The following TAFA5 variants were observed in gnomAD, a reference collection of about 807,000 sequenced individuals.
TAFA5 encodes TAFA chemokine like family member 5, also known as chemokine-like protein TAFA-5.
A neutral mutation model predicts 15.3 loss-of-function variants in TAFA5; 6 were observed. The ratio of observed to expected loss-of-function variants is 0.39; its 90% CI spans 0.21 to 0.77. The LOEUF is 0.77. Ranked by LOEUF, TAFA5 falls within the 30% of genes least tolerant of loss-of-function variation. TAFA5 has a pLI of 0.41. For synonymous variants in TAFA5, 103 were observed against 80.7 expected, an observed-to-expected ratio of 1.28 and a Z score of -1.48; for missense variants, 161 against 193.1, an observed-to-expected ratio of 0.83 and a Z score of 0.98.
intron 1 of TAFA5, among the ~76,000 whole-genome samples, chr22:48,614,633 C>T (rs1211264037): frequency 6.6e-6 from 1 of 152,208 alleles, no homozygotes; most frequent in Non-Finnish European, 1.5e-5. Flanking sequence ...AGAGTCATGG[C>T]TGGGAAACAT....
intron 1 of TAFA5, among the ~76,000 whole-genome samples, chr22:48,636,024 C>T: frequency 6.6e-6 from 1 of 152,334 alleles, no homozygotes; most frequent in East Asian, 1.9e-4. Context: ...TGGGCCCTGC[C>T]CACGTTTGCA....
chr22:48,702,374 G>A (rs567840529), intron 2 of TAFA5, among the ~76,000 whole-genome samples: 8 of 152,066 alleles, frequency 5.3e-5, no homozygotes, highest in African/African-American at 1.7e-4. Flanking sequence ...GCTTGAGATC[G>A]GTGAGACTCT....
chr22:48,613,023 C>T (rs566149619), intron 1 of TAFA5, among the ~76,000 whole-genome samples: 4 of 152,306 alleles, frequency 2.6e-5, no homozygotes, highest in Non-Finnish European at 4.4e-5. Context: ...CCTGGCAGGG[C>T]GTTTGCTGCC....
At chr22:48,627,771 G>A (rs945749644) in intron 1 of TAFA5, among the ~76,000 whole-genome samples, 3 of 152,212 alleles carry the variant, frequency 2.0e-5, no homozygotes, top group Non-Finnish European at 4.4e-5. Context: ...GAGGCTGCAG[G>A]GAGTAAGGGC....
At position 48,749,871 on chromosome 22, in the gene TAFA5, C is replaced by T. The variant is rs780721401; in HGVS notation, c.*24C>T. 8.1e-5 allele frequency: 126 copies of T among 1,554,206 alleles called. No homozygotes were observed. Among genetic ancestry groups the T allele is most frequent in the Middle Eastern group, 1.7e-4 (1 of 5,962 alleles). ...GACAAACACAGCCCCTGAGGGGCCC[C>T]GGGAGTGGCCTTGGCTCCCTGGAGA... On this transcript the variant is annotated 3_prime_UTR_variant, in exon 4 of 4. Transcript: ENST00000402357.
intron 1 of TAFA5, among the ~76,000 whole-genome samples, chr22:48,615,889 C>T (rs28480167): frequency 0.64 from 96,877 of 152,122 alleles, 31,227 homozygotes; most frequent in East Asian, 0.83. Context: ...CTTGCCCCTC[C>T]AATGGCCTAA....
chr22:48,505,907 G>A (rs1920990052), intron 1 of TAFA5, among the ~76,000 whole-genome samples: 1 of 152,220 alleles, frequency 6.6e-6, no homozygotes, highest in African/African-American at 2.4e-5. Flanking sequence ...GGCATAAACT[G>A]GTCAGGCTGG....
intron 1 of TAFA5, among the ~76,000 whole-genome samples, chr22:48,520,104 T>C (rs1921550856): frequency 6.6e-6 from 1 of 152,174 alleles, no homozygotes; most frequent in Admixed American, 6.5e-5. Context: ...GTGACGGGCC[T>C]GCTAGCCGAG....
chr22:48,575,412 G>A (rs1228885160), intron 1 of TAFA5, among the ~76,000 whole-genome samples: 3 of 146,714 alleles, frequency 2.0e-5, no homozygotes, highest in Non-Finnish European at 3.0e-5. Context: ...GCGGGCCGGA[G>A]TCCGAGGCTG....
chr22:48,541,096 C>G (rs1459794843), intron 1 of TAFA5, among the ~76,000 whole-genome samples: 1 of 152,070 alleles, frequency 6.6e-6, no homozygotes, highest in Non-Finnish European at 1.5e-5. Flanking sequence ...AGGAAGTCCG[C>G]CACTGAACGG....
chr22:48,661,192 C>A (rs549274528), intron 2 of TAFA5, among the ~76,000 whole-genome samples: 7 of 152,298 alleles, frequency 4.6e-5, no homozygotes, highest in African/African-American at 1.7e-4. Context: ...TACTGCTGGC[C>A]CTACGGTCAG....
At chr22:48,555,387 A>G (rs1297485414) in intron 1 of TAFA5, among the ~76,000 whole-genome samples, 2 of 152,134 alleles carry the variant, frequency 1.3e-5, no homozygotes, top group African/African-American at 4.8e-5. Context: ...TGGTGCTCAG[A>G]CCGTGTCCTG....
At chr22:48,740,771 C>T (rs1410291410) in intron 3 of TAFA5, among the ~76,000 whole-genome samples, 16 of 152,148 alleles carry the variant, frequency 1.1e-4, no homozygotes, top group Non-Finnish European at 8.8e-5. Flanking sequence ...GATGTGGCCT[C>T]GCAGGGTCTG....
chr22:48,499,770 G>A (rs1263360523), intron 1 of TAFA5, among the ~76,000 whole-genome samples: 1 of 152,196 alleles, frequency 6.6e-6, no homozygotes, highest in African/African-American at 2.4e-5. Flanking sequence ...TTCCAGGGCC[G>A]TCTTCCTCCC....
chr22:48,693,365 C>G (rs764896946), intron 2 of TAFA5: 1 of 1,612,484 alleles, frequency 6.2e-7, no homozygotes, highest in Non-Finnish European at 8.5e-7. Flanking sequence ...AAATGTACCA[C>G]CACCGGGAAT....
At chr22:48,637,980 G>A (rs907137155) in intron 1 of TAFA5, among the ~76,000 whole-genome samples, 1 of 152,142 alleles carries the variant, frequency 6.6e-6, no homozygotes, top group African/African-American at 2.4e-5. Flanking sequence ...AGGGAGTCTT[G>A]TCCTTCTAAA....
intron 1 of TAFA5, among the ~76,000 whole-genome samples, chr22:48,579,884 C>T (rs73173418): frequency 0.016 from 2,429 of 152,276 alleles, 31 homozygotes; most frequent in Non-Finnish European, 0.023. Flanking sequence ...TCATTCGGCC[C>T]GATCCTTTCT....
chr22:48,640,550 A>G (rs1040858863), intron 1 of TAFA5, among the ~76,000 whole-genome samples: 9 of 150,466 alleles, frequency 6.0e-5, no homozygotes, highest in South Asian at 4.3e-4. Flanking sequence ...TGGGCAGGGC[A>G]GGGCAGGGCT....
At chr22:48,501,795 C>T (rs183156538) in intron 1 of TAFA5, among the ~76,000 whole-genome samples, 1 of 152,332 alleles carries the variant, frequency 6.6e-6, no homozygotes, top group Admixed American at 6.5e-5. Context: ...CTCTTCTCAG[C>T]CCCTCTCTGT....
Sources: gnomAD v4.1 joint callset for allele counts (sites outside exome capture counted in the v4.1 genomes callset) on GRCh38, gnomAD v4.1.1 for gene constraint, MANE v1.5 for transcripts, NCBI Gene and HGNC (gene_info 2026-07-23, HGNC 2026-07-21) for gene names.